TCF25: variants seen among roughly 807,000 people sequenced by gnomAD.
TCF25 encodes TCF25 ribosome quality control complex subunit.
In TCF25, 41 loss-of-function variants were observed where a neutral mutation model predicts 83.1. The observed-to-expected ratio is 0.49, with a 90% CI of 0.38 to 0.64. The LOEUF (loss-of-function observed/expected upper bound fraction) is 0.64, where lower values mean the gene tolerates loss of function less well. Among genes scored for constraint, TCF25 ranks in the 30% least tolerant of loss-of-function variants. TCF25 has a pLI of 0.00. For missense variants in TCF25, 979 were observed against 914.5 expected (o/e 1.07, Z -0.91); for synonymous variants, 458 against 365.0 (o/e 1.25, Z -2.90).
At chr16:89,901,589 C>CA (rs1420763748) in intron 12 of TCF25, among the ~76,000 whole-genome samples, 1 of 113,562 alleles carries the variant, frequency 8.8e-6, no homozygotes. Context: ...ACTAAAAATA[C>CA]AAAAAATTAG....
chr16:89,884,800 C>T (rs1380177084), intron 3 of TCF25, 144 bp downstream of exon 3: 11 of 656,148 alleles, frequency 1.7e-5, no homozygotes, highest in African/African-American at 4.3e-5. Flanking sequence ...CTCTGCCTGA[C>T]GCCCTCTCCC....
chr16:89,876,311 T>C (rs141770663), intron 1 of TCF25, among the ~76,000 whole-genome samples: 114 of 152,372 alleles, frequency 7.5e-4, no homozygotes, highest in African/African-American at 2.5e-3. Context: ...AAATGTTTAT[T>C]GGCATTCTGT....
intron 11 of TCF25, among the ~76,000 whole-genome samples, chr16:89,899,768 C>A (rs1404876428): frequency 6.6e-6 from 1 of 152,108 alleles, no homozygotes; most frequent in Non-Finnish European, 1.5e-5. Flanking sequence ...ACCTGGGCTC[C>A]CATTATGTTC....
chr16:89,908,926 G>C, intron 16 of TCF25: 1 of 1,288,022 alleles, frequency 7.8e-7, no homozygotes, highest in Non-Finnish European at 1.0e-6. Context: ...CAGATGCTGA[G>C]AGATGGGGCT....
At chr16:89,906,380 G>C (rs1041650927) in intron 15 of TCF25, 96 bp downstream of exon 15, 1 of 1,264,558 alleles carries the variant, frequency 7.9e-7, no homozygotes, top group Non-Finnish European at 1.1e-6. Flanking sequence ...TGCGTGGTGC[G>C]GGCTCCCTCA....
At chr16:89,887,287 G>T (rs1211877865) in intron 4 of TCF25, among the ~76,000 whole-genome samples, 1 of 151,732 alleles carries the variant, frequency 6.6e-6, no homozygotes, top group Non-Finnish European at 1.5e-5. Flanking sequence ...CCCTACTTCA[G>T]AAATTATTGC....
intron 9 of TCF25, among the ~76,000 whole-genome samples, chr16:89,897,220 C>T (rs1195188209): frequency 6.6e-6 from 1 of 152,238 alleles, no homozygotes; most frequent in Admixed American, 6.5e-5. Flanking sequence ...CCTCGCTCCC[C>T]TGTGCTGAGC....
chr16:89,875,758 G>T (rs574565722), intron 1 of TCF25, among the ~76,000 whole-genome samples: 1 of 148,008 alleles, frequency 6.8e-6, no homozygotes, highest in South Asian at 2.1e-4. Flanking sequence ...TCCTGACCTC[G>T]TGATCCGCCT....
At chr16:89,873,931 G>A in intron 1 of TCF25, 72 bp downstream of exon 1, 4 of 1,441,532 alleles carry the variant, frequency 2.8e-6, no homozygotes, top group Non-Finnish European at 2.7e-6. Flanking sequence ...GCGTCCAGCC[G>A]GGTCGGGGAG....
At chr16:89,901,097 T>TAC in intron 12 of TCF25, 4 of 268,236 alleles carry the variant, frequency 1.5e-5, no homozygotes, top group South Asian at 1.0e-4. Flanking sequence ...GTACCAGTGC[T>TAC]GGGGAGGAGA....
chr16:89,891,315 G>A (rs901221514), intron 5 of TCF25, among the ~76,000 whole-genome samples: 7 of 152,236 alleles, frequency 4.6e-5, no homozygotes, highest in Non-Finnish European at 1.0e-4. Context: ...GCCTGGGCGT[G>A]TGCTACAGGC....
intron 1 of TCF25, among the ~76,000 whole-genome samples, chr16:89,875,302 C>G (rs895879031): frequency 5.9e-5 from 9 of 152,074 alleles, no homozygotes; most frequent in Non-Finnish European, 1.3e-4. Context: ...TTTGTGACAA[C>G]CTGTTTATAT....
At chr16:89,873,913 C>T in intron 1 of TCF25, 54 bp downstream of exon 1, 8 of 1,017,346 alleles carry the variant, frequency 7.9e-6, no homozygotes, top group South Asian at 2.7e-5. Context: ...CGTTGTGGGG[C>T]GGGGCGAGCG....
intron 16 of TCF25, chr16:89,908,815 GC>G: frequency 1.8e-6 from 1 of 540,554 alleles, no homozygotes; most frequent in Non-Finnish European, 2.3e-6. Context: ...CCACCTCGCA[GC>G]TCCCAGCTCC....
intron 11 of TCF25, among the ~76,000 whole-genome samples, chr16:89,899,676 C>T (rs1335032095): frequency 2.6e-5 from 4 of 151,586 alleles, no homozygotes; most frequent in Non-Finnish European, 4.4e-5. Context: ...TGCGGTGAGC[C>T]GAGATCGCGC....
intron 1 of TCF25, chr16:89,878,485 C>T (rs955966472): frequency 2.2e-5 from 27 of 1,237,380 alleles, no homozygotes; most frequent in Non-Finnish European, 1.4e-5. Context: ...TTCCTCTCCC[C>T]CTAAAAAAAG....
At chr16:89,878,956 C>G (rs1002079661) in intron 1 of TCF25, among the ~76,000 whole-genome samples, 3 of 152,202 alleles carry the variant, frequency 2.0e-5, no homozygotes, top group African/African-American at 4.8e-5. Flanking sequence ...TAAGGTTTGT[C>G]TGACGGTGAT....
intron 9 of TCF25, among the ~76,000 whole-genome samples, chr16:89,898,122 A>G (rs74033896): frequency 6.6e-6 from 1 of 152,228 alleles, no homozygotes; most frequent in African/African-American, 2.4e-5. Context: ...AAAAAAAAAA[A>G]GATTTCAAAG....
Position 89,896,092 on chromosome 16 carries a change from A to C in TCF25, c.1022+9A>C. The C allele has an allele frequency of 6.2e-7, 1 of 1,612,686 alleles. No individual in the cohort carries two copies. Among genetic ancestry groups the C allele is most frequent in the South Asian group, 1.1e-5 (1 of 90,954 alleles). On this transcript the variant is annotated intron_variant, in intron 9 of 17. Coordinates refer to ENST00000263346, the MANE Select transcript of TCF25 (RefSeq NM_014972.3). ...CGCAGACCCGAGAACAGGTGAGTGC[A>C]GCTGCCCTGGAGGTGACGCAGCTCC...
Sources: allele counts gnomAD v4.1 joint callset (sites outside exome capture counted in the v4.1 genomes callset), GRCh38; gene constraint gnomAD v4.1.1; transcripts MANE v1.5; gene names NCBI Gene and HGNC (gene_info 2026-07-23, HGNC 2026-07-21).